XKR6: variants seen among roughly 807,000 people sequenced by gnomAD.
XKR6 encodes the protein XK-related protein 6.
In XKR6, 22 loss-of-function variants were observed where a neutral mutation model predicts 56.7. That is an observed-to-expected ratio of 0.39 (90% CI 0.28 to 0.55). The LOEUF is 0.55. Among genes scored for constraint, XKR6 ranks in the 20% least tolerant of loss-of-function variants. The pLI, the probability that XKR6 is intolerant of heterozygous loss-of-function variation, is 0.66. For missense variants in XKR6, 852 were observed against 889.0 expected (o/e 0.96, Z 0.53); for synonymous variants, 524 against 387.8 (o/e 1.35, Z -4.13).
intron 1 of XKR6, among the ~76,000 whole-genome samples, chr8:11,008,829 C>A (rs1254955876): frequency 6.6e-6 from 1 of 151,954 alleles, no homozygotes; most frequent in Non-Finnish European, 1.5e-5. Flanking sequence ...TGGTTGCAGG[C>A]CCCCCCGCCC....
intron 1 of XKR6, among the ~76,000 whole-genome samples, chr8:11,119,293 G>A: frequency 6.6e-6 from 1 of 152,186 alleles, no homozygotes; most frequent in Non-Finnish European, 1.5e-5. Context: ...CTGTTGATTT[G>A]GGGTGGAGAG....
intron 1 of XKR6, among the ~76,000 whole-genome samples, chr8:11,155,851 G>A (rs777824393): frequency 6.6e-6 from 1 of 152,104 alleles, no homozygotes; most frequent in Non-Finnish European, 1.5e-5. Flanking sequence ...GCATTTTCAG[G>A]ATAAAGCTGA....
intron 1 of XKR6, among the ~76,000 whole-genome samples, chr8:11,119,235 G>A (rs1799329033): frequency 6.6e-6 from 1 of 152,028 alleles, no homozygotes; most frequent in South Asian, 2.1e-4. Flanking sequence ...CCAACTATGT[G>A]GTCAATTTTG....
intron 1 of XKR6, among the ~76,000 whole-genome samples, chr8:11,154,312 C>T (rs1801403126): frequency 6.6e-6 from 1 of 152,204 alleles, no homozygotes; most frequent in Non-Finnish European, 1.5e-5. Flanking sequence ...ACTCTAGACA[C>T]CAAAAATCAG....
At chr8:10,913,472 C>G (rs1215372058) in intron 2 of XKR6, among the ~76,000 whole-genome samples, 1 of 152,182 alleles carries the variant, frequency 6.6e-6, no homozygotes, top group Admixed American at 6.5e-5. Context: ...AAGCACTTCA[C>G]TCAGCCAAAG....
intron 1 of XKR6, among the ~76,000 whole-genome samples, chr8:11,061,326 C>T (rs930921042): frequency 1.5e-4 from 23 of 152,130 alleles, no homozygotes; most frequent in Non-Finnish European, 3.1e-4. Flanking sequence ...ATTAGCCAGG[C>T]GTGATGGTGT....
At chr8:11,088,038 G>A (rs1797950002) in intron 1 of XKR6, among the ~76,000 whole-genome samples, 1 of 152,210 alleles carries the variant, frequency 6.6e-6, no homozygotes, top group East Asian at 1.9e-4. Context: ...TTCCAGGAAT[G>A]TAGTAGGAAG....
rs778990200 is a variant in XKR6 at position 11,136,209 on chromosome 8, T to C, written c.764+64367A>G. 1.4e-4 allele frequency among the ~76,000 whole-genome samples: 22 copies of C among 152,180 alleles called. 1 individual carries two copies. Among genetic ancestry groups the C allele is most frequent in the Admixed American group, 8.5e-4 (13 of 15,284 alleles). On this transcript the variant is annotated intron_variant, in intron 1 of 2. Coordinates refer to ENST00000416569, the MANE Select transcript of XKR6 (RefSeq NM_173683.4). ...GTTTCCTCCATTACTAGGGACTGAA[T>C]GTTTATGTCTTTCAAAAATTCCTGG... is the stretch of plus-strand genomic sequence containing the variant.
At chr8:11,081,297 A>T (rs889083822) in intron 1 of XKR6, among the ~76,000 whole-genome samples, 3 of 152,218 alleles carry the variant, frequency 2.0e-5, no homozygotes, top group African/African-American at 7.2e-5. Flanking sequence ...TTAAACACTC[A>T]TATGGAATGA....
intron 1 of XKR6, among the ~76,000 whole-genome samples, chr8:10,931,008 G>T (rs1801035767): frequency 6.6e-6 from 1 of 152,126 alleles, no homozygotes; most frequent in Non-Finnish European, 1.5e-5. Flanking sequence ...ATTTGTAAAT[G>T]ACATGATTGT....
At chr8:10,933,109 T>C (rs1328320045) in intron 1 of XKR6, among the ~76,000 whole-genome samples, 2 of 151,382 alleles carry the variant, frequency 1.3e-5, no homozygotes, top group South Asian at 2.1e-4. Context: ...TGAGATGATA[T>C]CTCATAGTGG....
At chr8:11,063,320 T>TAA (rs879575972) in intron 1 of XKR6, among the ~76,000 whole-genome samples, 1 of 140,882 alleles carries the variant, frequency 7.1e-6, no homozygotes, top group African/African-American at 2.6e-5. Context: ...GAACAAAAAG[T>TAA]AAAAAAAAAA....
At position 11,072,977 on chromosome 8, in the gene XKR6, G is replaced by T. The variant is rs371519367; in HGVS notation, c.764+127599C>A. 2.6e-3 allele frequency among the ~76,000 whole-genome samples: 401 copies of T among 152,092 alleles called. 16 individuals carry two copies. The South Asian group carries it at 0.078, about 30-fold the overall frequency. On this transcript the variant is annotated intron_variant, in intron 1 of 2. Transcript: ENST00000416569. The stretch of plus-strand genomic sequence containing the variant: ...AGGCAGGAGAATTGCTTCAACCTGG[G>T]AGGCGGAGGGTGCAGTGAGCCAAGA...
chr8:11,200,031 G>C lies in XKR6; in HGVS notation c.764+545C>G, dbSNP rs1020181675. On this transcript the variant is annotated intron_variant, in intron 1 of 2. Transcript: ENST00000416569. This position sits in a 1 kb window ranked among gnomAD's most constrained non-coding sequence, Gnocchi z 6.4. ...AGCAGTGGTTTGGAGTCATTCACAGGGGCTGGGAGTGCAGGAGGGGGAAGG... is the reference window on the plus strand; with the variant it reads ...AGCAGTGGTTTGGAGTCATTCACAGCGGCTGGGAGTGCAGGAGGGGGAAGG... Among the ~76,000 whole-genome samples the C allele has an allele frequency of 1.1e-4, 17 of 152,208 alleles. No homozygotes were observed. The highest frequency in any genetic ancestry group is 2.1e-4 in the Non-Finnish European group (14 of 68,046).
At chr8:11,081,151 T>C (rs1797710008) in intron 1 of XKR6, among the ~76,000 whole-genome samples, 1 of 152,226 alleles carries the variant, frequency 6.6e-6, no homozygotes, top group African/African-American at 2.4e-5. Flanking sequence ...AGCCGGATTC[T>C]GAGAAAAGTA....
chr8:11,008,666 C>T (rs1360410318), intron 1 of XKR6, among the ~76,000 whole-genome samples: 1 of 152,090 alleles, frequency 6.6e-6, no homozygotes, highest in Non-Finnish European at 1.5e-5. Context: ...CCACCTGCCT[C>T]GCCCTCCCAA....
At chr8:11,025,519 G>T (rs1257226096) in intron 1 of XKR6, among the ~76,000 whole-genome samples, 2 of 152,164 alleles carry the variant, frequency 1.3e-5, no homozygotes, top group African/African-American at 2.4e-5. Context: ...AGCTTAGAGT[G>T]GGGGCGGCCT....
intron 1 of XKR6, among the ~76,000 whole-genome samples, chr8:11,051,070 A>G (rs1458095694): frequency 6.6e-6 from 1 of 152,046 alleles, no homozygotes; most frequent in Admixed American, 6.5e-5. Context: ...CCAAAAAGTC[A>G]CCAAAGCCCT....
chr8:10,940,356 G>A (rs1398183560), intron 1 of XKR6, among the ~76,000 whole-genome samples: 1 of 152,180 alleles, frequency 6.6e-6, no homozygotes, highest in Admixed American at 6.5e-5. Flanking sequence ...CAGGGCTCCA[G>A]GTTCAGGGCC....
Sources: gnomAD v4.1 joint callset for allele counts (sites outside exome capture counted in the v4.1 genomes callset) on GRCh38, gnomAD v4.1.1 for gene constraint, Gnocchi (gnomAD v3.1) non-coding constraint, MANE v1.5 for transcripts, NCBI Gene and HGNC (gene_info 2026-07-23, HGNC 2026-07-21) for gene names.